Variants in GATAD2B observed in about 807,000 individuals in gnomAD.
GATAD2B encodes the protein GATA zinc finger domain containing 2B.
Under a neutral mutation model 64.3 loss-of-function variants are expected in GATAD2B, and 8 were observed. The observed-to-expected ratio is 0.12, with a 90% CI of 0.07 to 0.22. GATAD2B has a LOEUF of 0.22. GATAD2B is among the 10% of genes least tolerant of loss of function. The probability of loss-of-function intolerance (pLI) is 1.00; values close to 1 mark genes in which losing one functional copy is unlikely to be tolerated. For synonymous variants in GATAD2B, 281 were observed against 271.3 expected, an observed-to-expected ratio of 1.04 and a Z score of -0.35; for missense variants, 453 against 752.0, an observed-to-expected ratio of 0.60 and a Z score of 4.65.
At chr1:153,861,865 T>C (rs1021932634) in intron 1 of GATAD2B, among the ~76,000 whole-genome samples, 3 of 146,460 alleles carry the variant, frequency 2.0e-5, no homozygotes, top group African/African-American at 5.1e-5. Flanking sequence ...TGTATATATG[T>C]ATATATATGT....
At chr1:153,890,296 G>A (rs1677335019) in intron 1 of GATAD2B, among the ~76,000 whole-genome samples, 1 of 151,638 alleles carries the variant, frequency 6.6e-6, no homozygotes, top group Admixed American at 6.6e-5. Context: ...AGACCATCCT[G>A]GCTAACACAG....
At chr1:153,858,395 A>G (rs1676161184) in intron 1 of GATAD2B, among the ~76,000 whole-genome samples, 1 of 152,158 alleles carries the variant, frequency 6.6e-6, no homozygotes, top group Non-Finnish European at 1.5e-5. Flanking sequence ...TACAAAAAAC[A>G]CGAGTTCAAG....
At chr1:153,918,755 C>T (rs1442117284) in intron 1 of GATAD2B, among the ~76,000 whole-genome samples, 1 of 152,088 alleles carries the variant, frequency 6.6e-6, no homozygotes, top group East Asian at 1.9e-4. Flanking sequence ...GAGTTCGAGA[C>T]CAGCCTGGCC....
intron 1 of GATAD2B, among the ~76,000 whole-genome samples, chr1:153,908,977 G>A (rs565197887): frequency 4.6e-5 from 7 of 151,778 alleles, no homozygotes; most frequent in Admixed American, 6.6e-5. Context: ...GAGGTAGGAG[G>A]ACTGCTTGAG....
At chr1:153,826,262 A>G (rs962747610) in intron 2 of GATAD2B, among the ~76,000 whole-genome samples, 2 of 151,132 alleles carry the variant, frequency 1.3e-5, no homozygotes, top group African/African-American at 4.9e-5. Context: ...CTCATGATCC[A>G]CCCGCCTCGG....
At chr1:153,855,848 A>T (rs1358768517) in intron 1 of GATAD2B, among the ~76,000 whole-genome samples, 1 of 151,730 alleles carries the variant, frequency 6.6e-6, no homozygotes, top group Non-Finnish European at 1.5e-5. Flanking sequence ...ACGCCCAGCT[A>T]ATTTTTGTAT....
At chr1:153,887,965 T>C (rs922093700) in intron 1 of GATAD2B, among the ~76,000 whole-genome samples, 1 of 151,818 alleles carries the variant, frequency 6.6e-6, no homozygotes, top group Non-Finnish European at 1.5e-5. Flanking sequence ...CAGGCACCTG[T>C]AATCCCAGCT....
chr1:153,811,020 C>A (rs575186865), intron 10 of GATAD2B, among the ~76,000 whole-genome samples: 14 of 152,290 alleles, frequency 9.2e-5, no homozygotes, highest in Admixed American at 6.5e-4. Flanking sequence ...TCGCTTTGGC[C>A]TCCCAAAGTG....
chr1:153,818,915 C>A lies in GATAD2B; in HGVS notation c.473G>T (p.Gly158Val). The A allele has an allele frequency of 6.2e-7, 1 of 1,610,324 alleles. No individual in the cohort carries two copies. The highest frequency in any genetic ancestry group is 8.5e-7 in the Non-Finnish European group (1 of 1,179,920). Reference sequence around the variant, plus strand: ...GATAAGCTGCTGCCGCTCCTCAATGCCTTTCCCCTAAGGAAACAAGAAGAC... The same window carrying A: ...GATAAGCTGCTGCCGCTCCTCAATGACTTTCCCCTAAGGAAACAAGAAGAC... ...AANLEMFKGK[G>V]IEERQQLIKQ... The change falls in exon 4 of 11, where the codon GGC becomes GTC. Residue 158 changes from glycine to valine, a missense_variant. Transcript: ENST00000368655.
At position 153,896,052 on chromosome 1, in the gene GATAD2B, C is replaced by T. The variant is rs1454326256; in HGVS notation, c.-2+26681G>A. ...GTGGCATGCGCCTGTAGTCCCAGCT[C>T]CTCAGGAGGAAGTGGGAGGATCACT... On this transcript the variant is annotated intron_variant, in intron 1 of 10. Coordinates refer to ENST00000368655, the MANE Select transcript of GATAD2B (RefSeq NM_020699.4). Among the ~76,000 whole-genome samples the T allele has an allele frequency of 4.0e-5, 6 of 151,404 alleles. 1 individual carries two copies. Among genetic ancestry groups the T allele is most frequent in the Non-Finnish European group, 8.8e-5 (6 of 67,898 alleles).
intron 1 of GATAD2B, among the ~76,000 whole-genome samples, chr1:153,892,163 C>CAAAAAAAAAAA (rs900308080): frequency 3.4e-4 from 17 of 50,234 alleles, no homozygotes; most frequent in South Asian, 7.4e-4. Flanking sequence ...GACTCCGTCT[C>CAAAAAAAAAAA]AAAAAAAAAA....
chr1:153,819,762 T>C, intron 2 of GATAD2B, 27 bp from the exon 3 acceptor site: 1 of 1,568,312 alleles, frequency 6.4e-7, no homozygotes, highest in Non-Finnish European at 8.6e-7. Context: ...AAAAATAAGC[T>C]ATTTCCAACA....
At chr1:153,818,227 G>C (rs1674551257) in intron 4 of GATAD2B, 56 bp from the exon 5 acceptor site, 2 of 1,502,924 alleles carry the variant, frequency 1.3e-6, no homozygotes, top group East Asian at 4.9e-5. Flanking sequence ...TGGAAATTTG[G>C]TACATTTCTA....
At chr1:153,861,085 C>G (rs1222134244) in intron 1 of GATAD2B, among the ~76,000 whole-genome samples, 1 of 152,152 alleles carries the variant, frequency 6.6e-6, no homozygotes, top group Non-Finnish European at 1.5e-5. Flanking sequence ...GGAGTTACTT[C>G]AGGCAGCAAA....
intron 2 of GATAD2B, 78 bp from the exon 3 acceptor site, chr1:153,819,813 G>A (rs1405374648): frequency 2.2e-6 from 3 of 1,344,948 alleles, no homozygotes; most frequent in African/African-American, 3.0e-5. Flanking sequence ...AAAAATCCAA[G>A]GGGGGCCGGG....
intron 1 of GATAD2B, among the ~76,000 whole-genome samples, chr1:153,873,825 TG>T (rs1382379188): frequency 1.3e-5 from 2 of 152,244 alleles, no homozygotes; most frequent in Non-Finnish European, 2.9e-5. Flanking sequence ...GGCACATGCC[TG>T]TAGTCCTAGC....
At chr1:153,811,700 T>G in intron 10 of GATAD2B, 31 bp downstream of exon 10, 65 of 1,322,246 alleles carry the variant, frequency 4.9e-5, no homozygotes, top group Middle Eastern at 1.8e-4. Context: ...AGCTGACCCA[T>G]GAGAAACATT....
chr1:153,920,889 T>C (rs1034689963), intron 1 of GATAD2B, among the ~76,000 whole-genome samples: 3 of 152,166 alleles, frequency 2.0e-5, no homozygotes, highest in African/African-American at 7.2e-5. Flanking sequence ...TACCATCAAC[T>C]AGTTATTCAT....
chr1:153,833,814 A>G (rs1293227035), intron 1 of GATAD2B, among the ~76,000 whole-genome samples: 1 of 144,558 alleles, frequency 6.9e-6, no homozygotes, highest in East Asian at 2.0e-4. Context: ...CAGTCTCCAA[A>G]AAAAAAAAAA....
Sources: allele counts gnomAD v4.1 joint callset (sites outside exome capture counted in the v4.1 genomes callset), GRCh38; gene constraint gnomAD v4.1.1; transcripts MANE v1.5; gene names NCBI Gene and HGNC (gene_info 2026-07-23, HGNC 2026-07-21).